TBCE: variants seen among roughly 807,000 people sequenced by gnomAD.
The protein encoded by TBCE is tubulin-specific chaperone E.
A neutral mutation model predicts 77.0 loss-of-function variants in TBCE; 53 were observed. The observed-to-expected ratio is 0.69, with a 90% confidence interval of 0.55 to 0.87. TBCE has a LOEUF of 0.87. TBCE is among the 40% of genes least tolerant of loss of function. The pLI is 0.00. For missense variants in TBCE, 624 were observed against 622.4 expected (o/e 1.00, Z -0.03); for synonymous variants, 235 against 241.3 (o/e 0.97, Z 0.24).
At chr1:235,381,685 CAAAAAAAAAA>C (rs574997840) in intron 2 of TBCE, among the ~76,000 whole-genome samples, 22 of 43,210 alleles carry the variant, frequency 5.1e-4, no homozygotes, top group African/African-American at 2.0e-3. Context: ...ACTCCTTCTC[CAAAAAAAAAA>C]AAAAAAAAAA....
intron 2 of TBCE, among the ~76,000 whole-genome samples, chr1:235,396,624 C>G (rs542211344): frequency 2.6e-5 from 4 of 152,264 alleles, no homozygotes; most frequent in Non-Finnish European, 4.4e-5. Flanking sequence ...TGTGAGGGTT[C>G]CCTTTTCTCT....
intron 13 of TBCE, chr1:235,440,792 T>C (rs1681829165): frequency 6.6e-6 from 1 of 151,800 alleles, no homozygotes; most frequent in Non-Finnish European, 1.5e-5. Flanking sequence ...GAGGGCTCGC[T>C]ACCAAGGCTG....
intron 1 of TBCE, among the ~76,000 whole-genome samples, chr1:235,373,649 T>G (rs1677111317): frequency 6.6e-6 from 1 of 150,962 alleles, no homozygotes; most frequent in Admixed American, 6.6e-5. Flanking sequence ...TATTTTTATT[T>G]TATTTTATTT....
chr1:235,439,583 G>C (rs746087886), intron 13 of TBCE, among the ~76,000 whole-genome samples: 7 of 147,956 alleles, frequency 4.7e-5, no homozygotes, highest in Admixed American at 1.4e-4. Flanking sequence ...TGCCTCCCGG[G>C]TTCAATTTAT....
In TBCE at chr1:235,448,368, G is replaced by A. The variant is rs920252384; in HGVS notation, c.1419G>A (p.Lys473=). The change falls in exon 16 of 17, where the codon AAG becomes AAA. Residue 473 remains lysine (K), a synonymous_variant. Transcript: ENST00000642610. ...KQLPGSMTIQ[K]VKGLLSRLLK... ...TGATAGGCTCCATGACAATTCAAAAGGTGAAGGGATTGCTGTCACGTCTTC... is the reference window on the plus strand; with the variant it reads ...TGATAGGCTCCATGACAATTCAAAAAGTGAAGGGATTGCTGTCACGTCTTC... 1 of 1,614,132 alleles carries A rather than the reference G, an allele frequency of 6.2e-7. No individual in the cohort carries two copies. The highest frequency in any genetic ancestry group is 1.3e-5 in the African/African-American group (1 of 75,050).
intron 15 of TBCE, among the ~76,000 whole-genome samples, chr1:235,447,890 A>T (rs1237117914): frequency 6.6e-6 from 1 of 152,132 alleles, no homozygotes; most frequent in Non-Finnish European, 1.5e-5. Flanking sequence ...TCCCCTAATT[A>T]CTTACTTGGG....
chr1:235,441,556 T>C, intron 13 of TBCE: 1 of 512,798 alleles, frequency 2.0e-6, no homozygotes, highest in Non-Finnish European at 3.5e-6. Context: ...TGTTGTCTTT[T>C]GTTGAGTTTC....
intron 3 of TBCE, among the ~76,000 whole-genome samples, chr1:235,403,879 A>G (rs1206514807): frequency 6.6e-6 from 1 of 152,238 alleles, no homozygotes; most frequent in African/African-American, 2.4e-5. Context: ...GGCATAGCCT[A>G]TTGCTTTTAG....
chr1:235,444,612 T>C (rs1212110454), intron 15 of TBCE, among the ~76,000 whole-genome samples: 3 of 152,112 alleles, frequency 2.0e-5, no homozygotes, highest in Non-Finnish European at 4.4e-5. Flanking sequence ...GCTATGTTGC[T>C]AAGGCTGGCC....
intron 2 of TBCE, among the ~76,000 whole-genome samples, chr1:235,388,565 G>A (rs1002637594): frequency 1.9e-4 from 29 of 152,020 alleles, no homozygotes; most frequent in African/African-American, 5.8e-4. Context: ...CTGGGATTAC[G>A]GGCATGAGCC....
rs1682784903 is a variant in TBCE, at chr1:235,449,839, AG to A, written c.*1078del. On this transcript the variant is annotated 3_prime_UTR_variant, in exon 17 of 17. Coordinates refer to ENST00000642610, the MANE Select transcript of TBCE (RefSeq NM_003193.5). Reference sequence around the variant, plus strand: ...AATCCAGGTTGAAATTCAAACTCTCAGTTACTACTACAGATTTCTGAACTAG... The same window carrying A: ...AATCCAGGTTGAAATTCAAACTCTCATTACTACTACAGATTTCTGAACTAG... 5.5e-6 allele frequency: 1 copy of A among 180,698 alleles called. No individual in the cohort carries two copies. The highest frequency in any genetic ancestry group is 1.2e-5 in the Non-Finnish European group (1 of 84,634). 11.2% of individuals were successfully genotyped at this position (180,698 alleles called of 1,614,324 possible). A position where few individuals can be genotyped will look rare whatever the true frequency, so the allele number is the denominator to read the frequency against.
At chr1:235,401,627 G>A (rs774623320) in intron 3 of TBCE, 40 bp downstream of exon 3, 117 of 1,518,750 alleles carry the variant, frequency 7.7e-5, no homozygotes, top group Non-Finnish European at 9.9e-5. Context: ...ATTTAGTCAA[G>A]ATTATATTTA....
rs560936483 is a variant in TBCE at position 235,448,881 on chromosome 1, A to G, written c.*119A>G. 1.3e-6 allele frequency: 1 copy of G among 776,062 alleles called. No homozygotes were observed. The highest frequency in any genetic ancestry group is 1.7e-5 in the African/African-American group (1 of 58,354). The allele number at this position is 776,062 out of a possible 1,614,324, so 48.1% of individuals were successfully genotyped here. Reference sequence around the variant, plus strand: ...CAAAGGGGGTTTACAACTTGTCCTAAGTATAACAAGGGATGTATTTTTTGT... The same window carrying G: ...CAAAGGGGGTTTACAACTTGTCCTAGGTATAACAAGGGATGTATTTTTTGT... On this transcript the variant is annotated 3_prime_UTR_variant, in exon 17 of 17. Coordinates refer to ENST00000642610, the MANE Select transcript of TBCE (RefSeq NM_003193.5).
At chr1:235,387,426 C>G (rs1332216108) in intron 2 of TBCE, among the ~76,000 whole-genome samples, 5 of 152,190 alleles carry the variant, frequency 3.3e-5, no homozygotes, top group South Asian at 2.1e-4. Flanking sequence ...GGCAGGCAGG[C>G]CTCCTTGAGA....
chr1:235,435,122 TAG>T (rs1198968730), intron 8 of TBCE, among the ~76,000 whole-genome samples: 2 of 151,388 alleles, frequency 1.3e-5, no homozygotes, highest in African/African-American at 2.4e-5. Flanking sequence ...TTTTTTGAGA[TAG>T]AGTTTCATTC....
chr1:235,449,994 TAAAA>T lies in TBCE; in HGVS notation c.*1234_*1237del. The T allele has an allele frequency of 4.6e-6, 2 of 433,420 alleles. No homozygotes were observed. Among genetic ancestry groups the T allele is most frequent in the Non-Finnish European group, 8.0e-6 (2 of 250,762 alleles). 26.8% of individuals were successfully genotyped at this position (433,420 alleles called of 1,614,324 possible). ...TTCTGATAATCTTCCAATAGATAAA[TAAAA>T]ACTTTTCTTATGCTACAGTACAAGT... On this transcript the variant is annotated 3_prime_UTR_variant, in exon 17 of 17. Coordinates refer to ENST00000642610, the MANE Select transcript of TBCE (RefSeq NM_003193.5).
rs1182591579 is a variant in TBCE, at chr1:235,393,405, G to A, written c.101-8098G>A. ...TACAAACAATTAGCCTGGTGTGGTG[G>A]CACGTGCCTGTAATCCCAGCTACTT... is the stretch of plus-strand genomic sequence containing the variant. On this transcript the variant is annotated intron_variant, in intron 2 of 16. Coordinates refer to ENST00000642610, the MANE Select transcript of TBCE (RefSeq NM_003193.5). Among the ~76,000 whole-genome samples the A allele has an allele frequency of 2.0e-5, 3 of 152,074 alleles. 1 individual carries two copies. Among genetic ancestry groups the A allele is most frequent in the South Asian group, 4.1e-4 (2 of 4,820 alleles).
chr1:235,422,028 A>G (rs891342354), intron 5 of TBCE, among the ~76,000 whole-genome samples: 1 of 152,224 alleles, frequency 6.6e-6, no homozygotes, highest in Non-Finnish European at 1.5e-5. Context: ...TGTCTCTGCC[A>G]GTCTCTGCCC....
At chr1:235,441,005 C>T (rs1281638071) in intron 13 of TBCE, 2 of 152,160 alleles carry the variant, frequency 1.3e-5, no homozygotes, top group African/African-American at 2.4e-5. Context: ...CAGGCTTGAA[C>T]AGTATGTTTA....
Sources: gnomAD v4.1 joint callset for allele counts (sites outside exome capture counted in the v4.1 genomes callset) on GRCh38, gnomAD v4.1.1 for gene constraint, MANE v1.5 for transcripts, NCBI Gene and HGNC (gene_info 2026-07-23, HGNC 2026-07-21) for gene names.